The following XCR1 variants were observed in gnomAD, a reference collection of about 807,000 sequenced individuals.
XCR1 encodes the protein X-C motif chemokine receptor 1, also known as chemokine XC receptor 1.
For missense variants in XCR1, 356 were observed against 424.2 expected (o/e 0.84, Z 1.41); for synonymous variants, 187 against 188.5 (o/e 0.99, Z 0.06).
chr3:46,075,308 C>CAAAAAAAAAAA (rs56787185), intron 2 of XCR1, among the ~76,000 whole-genome samples: 52 of 61,622 alleles, frequency 8.4e-4, no homozygotes, highest in African/African-American at 1.4e-3. Flanking sequence ...GCTCATAGAC[C>CAAAAAAAAAAA]AAAAAAAAAA....
In XCR1 at chr3:46,021,041, G is replaced by A. The variant is rs1048870025; in HGVS notation, c.907C>T (p.Arg303Trp). ...KFRTHLKHVL[R>W]QFWFCRLQAP... ...TGCAGCCGGCAGAACCAGAACTGCCGGAGAACATGTTTCAGGTGTGTGCGG... is the reference window on the plus strand; with the variant it reads ...TGCAGCCGGCAGAACCAGAACTGCCAGAGAACATGTTTCAGGTGTGTGCGG... Residue 303 changes from arginine (R) to tryptophan (W), a missense_variant, in exon 2 of 2, where the codon CGG becomes TGG. By Grantham distance (101) the Arg-to-Trp change is moderately radical. Transcript: ENST00000309285. This position sits in a 1 kb window ranked among gnomAD's most constrained non-coding sequence, Gnocchi z 4.7. 17 of 1,613,900 alleles carry A rather than the reference G, an allele frequency of 1.1e-5. No homozygotes were observed. In the East Asian group the frequency reaches 1.1e-4, roughly 11 times the overall value.
intron 3 of XCR1, among the ~76,000 whole-genome samples, chr3:46,070,993 C>A (rs191014511): frequency 6.6e-6 from 1 of 152,040 alleles, no homozygotes; most frequent in Admixed American, 6.5e-5. Flanking sequence ...TGAATACCAA[C>A]CTTTTGTTTC....
upstream of XCR1, among the ~76,000 whole-genome samples, chr3:46,031,005 A>C (rs1708384662): frequency 6.6e-6 from 1 of 152,238 alleles, no homozygotes; most frequent in Non-Finnish European, 1.5e-5. Context: ...CACCTTGCCC[A>C]GAACCACTGT....
rs138986379 is a variant in XCR1, at chr3:46,059,167, T to G, written c.-182-5097A>C. The stretch of plus-strand genomic sequence containing the variant: ...GAAGTGGCCCATATACCTATAGAGC[T>G]GATTCTTCCTACACTGCCTTCTCTG... On this transcript the variant is annotated intron_variant, in intron 4 of 5. Coordinates refer to the XCR1 transcript ENST00000683768. Among the ~76,000 whole-genome samples, 55 of 152,318 alleles carry G rather than the reference T, an allele frequency of 3.6e-4. No homozygotes were observed. The East Asian group carries it at 9.5e-3, about 26-fold the overall frequency.
At chr3:46,073,625 A>T (rs897472474) in intron 3 of XCR1, among the ~76,000 whole-genome samples, 6 of 152,118 alleles carry the variant, frequency 3.9e-5, no homozygotes. Context: ...AATAAACAAC[A>T]GAGTGGACAG....
At chr3:46,023,433 G>A (rs1708210449) in intron 1 of XCR1, 25 of 1,488,412 alleles carry the variant, frequency 1.7e-5, no homozygotes, top group Non-Finnish European at 2.1e-5. Context: ...AAGCCATGAA[G>A]CTGACACAAT....
At chr3:46,078,229 C>T (rs1164881497) in intron 1 of XCR1, among the ~76,000 whole-genome samples, 3 of 152,180 alleles carry the variant, frequency 2.0e-5, no homozygotes, top group African/African-American at 7.2e-5. Context: ...TTTTGTGCCT[C>T]ATCTTCTTCC....
At chr3:46,023,405 C>G in intron 1 of XCR1, 1 of 1,465,616 alleles carries the variant, frequency 6.8e-7, no homozygotes, top group Non-Finnish European at 9.5e-7. Flanking sequence ...CACAAAAAGG[C>G]TGCGGCATAT....
chr3:46,069,593 CATAA>C (rs1252054220), intron 3 of XCR1, among the ~76,000 whole-genome samples: 1 of 152,158 alleles, frequency 6.6e-6, no homozygotes. Context: ...TTTACCATAA[CATAA>C]ATAGTGGATT....
chr3:46,066,639 C>G (rs1489629550), intron 4 of XCR1, among the ~76,000 whole-genome samples: 1 of 152,146 alleles, frequency 6.6e-6, no homozygotes, highest in African/African-American at 2.4e-5. Context: ...CCTGTAGAAA[C>G]AGAAGCTCTT....
At chr3:46,084,772 G>A (rs780123068) in intron 1 of XCR1, among the ~76,000 whole-genome samples, 12 of 152,206 alleles carry the variant, frequency 7.9e-5, no homozygotes, top group African/African-American at 1.4e-4. Context: ...GACGGAAACC[G>A]TAGACACTGG....
intron 5 of XCR1, among the ~76,000 whole-genome samples, chr3:46,047,751 T>C (rs1697662980): frequency 6.6e-6 from 1 of 152,216 alleles, no homozygotes; most frequent in East Asian, 1.9e-4. Context: ...GCCAGTGTTG[T>C]ATAAAGAAGA....
At chr3:46,042,355 C>T (rs1319700262) in intron 5 of XCR1, among the ~76,000 whole-genome samples, 1 of 151,560 alleles carries the variant, frequency 6.6e-6, no homozygotes, top group Non-Finnish European at 1.5e-5. Flanking sequence ...GAATAGAAAA[C>T]AATAGAGAAA....
At chr3:46,062,524 CT>C (rs1267727362) in intron 4 of XCR1, among the ~76,000 whole-genome samples, 1 of 152,208 alleles carries the variant, frequency 6.6e-6, no homozygotes, top group African/African-American at 2.4e-5. Flanking sequence ...ATCCTTTTTC[CT>C]TCCCCCTTCC....
chr3:46,080,364 C>A (rs974643767), intron 1 of XCR1, among the ~76,000 whole-genome samples: 3 of 152,130 alleles, frequency 2.0e-5, no homozygotes, highest in East Asian at 3.9e-4. Context: ...TTACATCAGA[C>A]AATAGATACC....
At chr3:46,023,291 T>G in intron 1 of XCR1, 1 of 791,058 alleles carries the variant, frequency 1.3e-6, no homozygotes, top group East Asian at 2.5e-5. Context: ...AGGCTGCTGC[T>G]GTCTATGGAA....
intron 1 of XCR1, among the ~76,000 whole-genome samples, chr3:46,026,103 T>G (rs1017903265): frequency 6.6e-6 from 1 of 152,224 alleles, no homozygotes. Context: ...AGAAAAGCAT[T>G]TGACAAAGCT....
intron 4 of XCR1, among the ~76,000 whole-genome samples, chr3:46,058,310 G>A (rs1346873364): frequency 6.6e-6 from 1 of 152,180 alleles, no homozygotes; most frequent in Non-Finnish European, 1.5e-5. Flanking sequence ...TGTATAGTGA[G>A]ATTGGCTGGT....
At chr3:46,064,954 G>A (rs1203903170) in intron 4 of XCR1, among the ~76,000 whole-genome samples, 1 of 152,112 alleles carries the variant, frequency 6.6e-6, no homozygotes, top group African/African-American at 2.4e-5. Flanking sequence ...AGCCGGGTGT[G>A]GTGGCGCATG....
Sources: gnomAD v4.1 joint callset for allele counts (sites outside exome capture counted in the v4.1 genomes callset) on GRCh38, gnomAD v4.1.1 for gene constraint, Gnocchi (gnomAD v3.1) non-coding constraint, MANE v1.5 for transcripts, NCBI Gene and HGNC (gene_info 2026-07-23, HGNC 2026-07-21) for gene names.